Variants in MMP7 observed in about 807,000 individuals in gnomAD.
The protein encoded by MMP7 is matrix metallopeptidase 7.
Under a neutral mutation model 31.5 loss-of-function variants are expected in MMP7, and 26 were observed. The observed-to-expected ratio is 0.83, with a 90% CI of 0.61 to 1.15. The LOEUF is 1.15. Ranked by LOEUF, MMP7 falls within the 50% of genes most tolerant of loss-of-function variation. MMP7 has a pLI of 0.00. For missense variants in MMP7, 367 were observed against 326.5 expected, an observed-to-expected ratio of 1.12 and a Z score of -0.96; for synonymous variants, 142 against 124.2, an observed-to-expected ratio of 1.14 and a Z score of -0.95.
chr11:102,529,524 T>C (rs1165460565), intron 1 of MMP7, among the ~76,000 whole-genome samples: 1 of 152,220 alleles, frequency 6.6e-6, no homozygotes, highest in Non-Finnish European at 1.5e-5. Flanking sequence ...GGTGGAACCA[T>C]ATAAAACTAC....
Position 102,530,664 on chromosome 11 carries a change from G to A in MMP7, c.37C>T (p.Pro13Ser). Reference sequence around the variant, plus strand: ...GGCAGCGGCAGGGCCAGGCTGCCAGGCAGCAGGCACACAGCACACAGCACG... The same window carrying A: ...GGCAGCGGCAGGGCCAGGCTGCCAGACAGCAGGCACACAGCACACAGCACG... ...LTVLCAVCLL[P>S]GSLALPLPQE... The change falls in exon 1 of 6, where the codon CCT becomes TCT. Residue 13 changes from proline (P) to serine (S), a missense_variant. By Grantham distance (74) the Pro-to-Ser change is moderately conservative. Transcript: ENST00000260227. The A allele has an allele frequency of 6.2e-7, 1 of 1,613,948 alleles. No homozygotes were observed.
At chr11:102,526,227 T>A (rs201342113) in intron 3 of MMP7, among the ~76,000 whole-genome samples, 1,335 of 122,060 alleles carry the variant, frequency 0.011, 13 homozygotes, top group Middle Eastern at 0.087. Flanking sequence ...AAAAAAAAAA[T>A]ATATATATAT....
rs14983 is a variant in MMP7 at position 102,520,694 on chromosome 11, G to A, written c.*82C>T. Reference sequence around the variant, plus strand: ...TGACATAATTGCTAAATGGAGTGGAGGAACAGTGCTTATCAATTCTGATTG... The same window carrying A: ...TGACATAATTGCTAAATGGAGTGGAAGAACAGTGCTTATCAATTCTGATTG... On this transcript the variant is annotated 3_prime_UTR_variant, in exon 6 of 6. Coordinates refer to ENST00000260227, the MANE Select transcript of MMP7 (RefSeq NM_002423.5). 0.2 allele frequency: 231,566 copies of A among 1,163,144 alleles called. 25,247 individuals carry two copies. The highest frequency in any genetic ancestry group is 0.22 in the Non-Finnish European group (179,953 of 815,780). The allele number at this position is 1,163,144 out of a possible 1,614,324, so 72.1% of individuals were successfully genotyped here.
intron 3 of MMP7, among the ~76,000 whole-genome samples, chr11:102,526,276 G>T (rs1342952981): frequency 7.0e-6 from 1 of 143,078 alleles, no homozygotes; most frequent in African/African-American, 2.6e-5. Flanking sequence ...GTCTTGCTCT[G>T]TTGCCCAGGC....
chr11:102,522,088 T>C (rs561275845), intron 5 of MMP7, among the ~76,000 whole-genome samples: 1 of 152,364 alleles, frequency 6.6e-6, no homozygotes, highest in South Asian at 2.1e-4. Flanking sequence ...TAATAGTCTA[T>C]ACACCTGAAA....
chr11:102,528,761 A>C (rs1207968277), intron 1 of MMP7, among the ~76,000 whole-genome samples: 1 of 152,190 alleles, frequency 6.6e-6, no homozygotes, highest in Admixed American at 6.5e-5. Flanking sequence ...TCAGTATCTG[A>C]ATATGAGGAT....
chr11:102,530,716 A>T lies in MMP7; in HGVS notation c.-16T>A, dbSNP rs750418636. The T allele has an allele frequency of 4.3e-6, 7 of 1,610,550 alleles. No homozygotes were observed. The South Asian group carries it at 7.7e-5, about 18-fold the overall frequency. On this transcript the variant is annotated 5_prime_UTR_variant, in exon 1 of 6. Transcript: ENST00000260227. ...TGAGTCGCATAGCTGCCGTCCAGAG[A>T]CAATTGTTCTTGGACCTATGGTTGA... is the stretch of plus-strand genomic sequence containing the variant.
intron 1 of MMP7, among the ~76,000 whole-genome samples, chr11:102,528,395 G>A (rs1858697605): frequency 6.6e-6 from 1 of 152,168 alleles, no homozygotes; most frequent in African/African-American, 2.4e-5. Flanking sequence ...CCTATCTAAA[G>A]TCCAGCTGAG....
intron 5 of MMP7, among the ~76,000 whole-genome samples, chr11:102,521,184 A>G (rs934687449): frequency 6.6e-6 from 1 of 152,158 alleles, no homozygotes; most frequent in Non-Finnish European, 1.5e-5. Flanking sequence ...GCAAGTACTC[A>G]ATGCATGTTA....
In MMP7 at chr11:102,520,547, T is replaced by A. The variant is rs891955772; in HGVS notation, c.*229A>T. 6 of 424,272 alleles carry A rather than the reference T, an allele frequency of 1.4e-5. No individual in the cohort carries two copies. The highest frequency in any genetic ancestry group is 2.5e-5 in the Non-Finnish European group (6 of 236,490). 26.3% of individuals were successfully genotyped at this position (424,272 alleles called of 1,614,324 possible). ...AATAAACATTTTATTTATTTGTGTA[T>A]GTAACATTTATTGACATCTACCCAC... is the stretch of plus-strand genomic sequence containing the variant. On this transcript the variant is annotated 3_prime_UTR_variant, in exon 6 of 6. Transcript: ENST00000260227.
chr11:102,527,255 A>C, intron 3 of MMP7: 1 of 443,256 alleles, frequency 2.3e-6, no homozygotes, highest in Non-Finnish European at 4.1e-6. Flanking sequence ...AAGGAGCCTG[A>C]CTGTGTTCCA....
chr11:102,526,649 C>T (rs1421695505), intron 3 of MMP7, among the ~76,000 whole-genome samples: 1 of 152,058 alleles, frequency 6.6e-6, no homozygotes, highest in Non-Finnish European at 1.5e-5. Flanking sequence ...CTCTTGAGGC[C>T]TTTGGAAGCT....
rs755882359 is a variant in MMP7, at chr11:102,524,922, A to T, written c.613+14T>A. 3.7e-6 allele frequency: 6 copies of T among 1,610,304 alleles called. No individual in the cohort carries two copies. The Admixed American group carries it at 8.4e-5, about 23-fold the overall frequency. On this transcript the variant is annotated intron_variant, in intron 4 of 5. Coordinates refer to ENST00000260227, the MANE Select transcript of MMP7 (RefSeq NM_002423.5). Reference sequence around the variant, plus strand: ...AAAACGGATGTGGAGTAGAAGAGACATGAGATGCTATACCTAGACTGCTAC... The same window carrying T: ...AAAACGGATGTGGAGTAGAAGAGACTTGAGATGCTATACCTAGACTGCTAC...
intron 3 of MMP7, among the ~76,000 whole-genome samples, chr11:102,526,150 A>G (rs1297383471): frequency 1.3e-5 from 2 of 150,636 alleles, no homozygotes. Context: ...ATACATATAT[A>G]CACACACACA....
intron 3 of MMP7, among the ~76,000 whole-genome samples, chr11:102,526,600 A>G (rs947426151): frequency 1.6e-4 from 24 of 152,134 alleles, no homozygotes; most frequent in Admixed American, 2.6e-4. Context: ...TGCCACATGA[A>G]AGGCATTAGC....
At chr11:102,523,061 A>G (rs1159531158) in intron 5 of MMP7, among the ~76,000 whole-genome samples, 179 bp downstream of exon 5, 1 of 152,198 alleles carries the variant, frequency 6.6e-6, no homozygotes, top group African/African-American at 2.4e-5. Context: ...TCTTCATAGT[A>G]TATTACAGCC....
At chr11:102,528,034 T>C (rs752629465) in intron 1 of MMP7, 51 bp from the exon 2 acceptor site, 2 of 1,337,428 alleles carry the variant, frequency 1.5e-6, no homozygotes, top group South Asian at 1.3e-5. Context: ...TATATTCTTT[T>C]ATCTTAGAAG....
intron 3 of MMP7, 31 bp from the exon 4 acceptor site, chr11:102,525,095 G>A (rs771599172): frequency 5.1e-6 from 8 of 1,569,766 alleles, no homozygotes; most frequent in Non-Finnish European, 6.0e-6. Context: ...TGTTCTTAGT[G>A]ACTGATTTTT....
intron 4 of MMP7, chr11:102,524,199 CAATTTA>C (rs1858643857): frequency 6.6e-6 from 1 of 152,112 alleles, no homozygotes. Context: ...GGCAGCATCA[CAATTTA>C]ACATAGATTT....
Sources: gnomAD v4.1 joint callset for allele counts (sites outside exome capture counted in the v4.1 genomes callset) on GRCh38, gnomAD v4.1.1 for gene constraint, MANE v1.5 for transcripts, NCBI Gene and HGNC (gene_info 2026-07-23, HGNC 2026-07-21) for gene names.